Variants in RANBP10 observed in about 807,000 individuals in gnomAD.
RANBP10 encodes the protein RAN binding protein 10.
RANBP10 carries 24 observed loss-of-function variants against 72.8 expected under a neutral mutation model. That is an observed-to-expected ratio of 0.33 (90% confidence interval 0.24 to 0.46). RANBP10 has a LOEUF of 0.46. Among genes scored for constraint, RANBP10 ranks in the 20% least tolerant of loss-of-function variants. RANBP10 has a pLI of 1.00. For synonymous variants in RANBP10, 310 were observed against 322.3 expected, an observed-to-expected ratio of 0.96 and a Z score of 0.41; for missense variants, 679 against 817.5, an observed-to-expected ratio of 0.83 and a Z score of 2.07.
chr16:67,750,860 A>G (rs1475567091), intron 3 of RANBP10, among the ~76,000 whole-genome samples: 2 of 133,964 alleles, frequency 1.5e-5, no homozygotes, highest in Non-Finnish European at 3.0e-5. Flanking sequence ...TCCGCCTCCC[A>G]GGTTCACGCC....
intron 2 of RANBP10, among the ~76,000 whole-genome samples, chr16:67,795,368 T>C (rs1470476053): frequency 6.6e-6 from 1 of 151,452 alleles, no homozygotes; most frequent in Non-Finnish European, 1.5e-5. Context: ...GGAGAAACCC[T>C]GTCTTTACTA....
At chr16:67,748,351 C>A (rs1316969837) in intron 3 of RANBP10, among the ~76,000 whole-genome samples, 3 of 151,622 alleles carry the variant, frequency 2.0e-5, no homozygotes, top group African/African-American at 7.2e-5. Context: ...GAAACCCTGT[C>A]TCTACCAAAA....
chr16:67,743,805 C>T (rs980826058), intron 4 of RANBP10, among the ~76,000 whole-genome samples: 25 of 152,166 alleles, frequency 1.6e-4, no homozygotes, highest in African/African-American at 6.0e-4. Flanking sequence ...AATGTAACTG[C>T]CCCGGCTGCT....
chr16:67,802,726 C>T (rs2055259367), intron 2 of RANBP10, among the ~76,000 whole-genome samples: 1 of 152,098 alleles, frequency 6.6e-6, no homozygotes, highest in Non-Finnish European at 1.5e-5. Flanking sequence ...GAATAGATGC[C>T]CACCTTTCTT....
intron 3 of RANBP10, among the ~76,000 whole-genome samples, chr16:67,765,073 A>G (rs1225777871): frequency 2.6e-5 from 4 of 152,104 alleles, no homozygotes; most frequent in East Asian, 1.9e-4. Flanking sequence ...ATAGTGGCTC[A>G]TGCCTGTAAA....
intron 2 of RANBP10, among the ~76,000 whole-genome samples, chr16:67,795,242 C>A (rs748158272): frequency 2.0e-5 from 3 of 150,778 alleles, no homozygotes; most frequent in African/African-American, 7.3e-5. Context: ...GAGACCCCGC[C>A]TCAAAAAAAT....
chr16:67,766,479 A>G (rs993924250), intron 3 of RANBP10, among the ~76,000 whole-genome samples: 1 of 152,078 alleles, frequency 6.6e-6, no homozygotes, highest in Non-Finnish European at 1.5e-5. Context: ...TTCCTCATGA[A>G]TGGCTTGGTG....
At chr16:67,767,554 G>A (rs563991077) in intron 3 of RANBP10, among the ~76,000 whole-genome samples, 1 of 150,860 alleles carries the variant, frequency 6.6e-6, no homozygotes, top group Admixed American at 6.6e-5. Flanking sequence ...TTGAGCCCAG[G>A]AGTTAGAGAC....
chr16:67,757,064 C>T (rs2054298839), intron 3 of RANBP10, among the ~76,000 whole-genome samples: 1 of 152,148 alleles, frequency 6.6e-6, no homozygotes, highest in African/African-American at 2.4e-5. Context: ...AAAAATTGGC[C>T]GGGCGTGGTG....
chr16:67,756,452 T>C (rs1018247083), intron 3 of RANBP10, among the ~76,000 whole-genome samples: 3 of 152,176 alleles, frequency 2.0e-5, no homozygotes, highest in African/African-American at 7.2e-5. Flanking sequence ...CCAGGCGCGG[T>C]GACTCACGCC....
chr16:67,727,967 G>A, intron 11 of RANBP10, 71 bp from the exon 12 acceptor site: 1 of 1,552,440 alleles, frequency 6.4e-7, no homozygotes, highest in Non-Finnish European at 8.8e-7. Flanking sequence ...GGGTGGGGCA[G>A]GAAGGACCCC....
chr16:67,743,445 G>T (rs543550840), intron 4 of RANBP10, among the ~76,000 whole-genome samples: 2 of 152,232 alleles, frequency 1.3e-5, no homozygotes, highest in South Asian at 2.1e-4. Flanking sequence ...ATACCAGTTA[G>T]CACCTGGTAG....
intron 1 of RANBP10, among the ~76,000 whole-genome samples, chr16:67,806,020 C>A (rs2055409758): frequency 6.6e-6 from 1 of 152,236 alleles, no homozygotes; most frequent in Non-Finnish European, 1.5e-5. Flanking sequence ...CTGCCGTTGG[C>A]GCCAGCCTAG....
chr16:67,728,300 A>G (rs2053649415), intron 11 of RANBP10, 90 bp downstream of exon 11: 6 of 1,432,676 alleles, frequency 4.2e-6, no homozygotes, highest in Non-Finnish European at 5.8e-6. Flanking sequence ...AAGATGCCAA[A>G]GCCTGCCTAC....
chr16:67,750,612 A>G lies in RANBP10; in HGVS notation c.401-6157T>C, dbSNP rs116910352. Among the ~76,000 whole-genome samples, 986 of 152,238 alleles carry G rather than the reference A, an allele frequency of 6.5e-3. 3 individuals are homozygous for G. Among genetic ancestry groups the G allele is most frequent in the Non-Finnish European group, 8.6e-3 (587 of 68,006 alleles). On this transcript the variant is annotated intron_variant, in intron 3 of 13. Transcript: ENST00000317506. Reference sequence around the variant, plus strand: ...GGTACAGGTGTGTGCACAAGCACATATGTGTGTTTATGTGCCACCAGTGAC... The same window carrying G: ...GGTACAGGTGTGTGCACAAGCACATGTGTGTGTTTATGTGCCACCAGTGAC...
intron 3 of RANBP10, among the ~76,000 whole-genome samples, chr16:67,760,973 C>T (rs868354321): frequency 1.6e-4 from 24 of 152,304 alleles, no homozygotes; most frequent in Middle Eastern, 3.4e-3. Flanking sequence ...ACCCTGACTT[C>T]GTCTTCTTGC....
intron 2 of RANBP10, among the ~76,000 whole-genome samples, chr16:67,792,362 G>T (rs1250647534): frequency 6.6e-6 from 1 of 151,876 alleles, no homozygotes; most frequent in Non-Finnish European, 1.5e-5. Context: ...AGACCATCCT[G>T]GCTAACACGG....
chr16:67,801,460 C>T (rs1221483706), intron 2 of RANBP10, among the ~76,000 whole-genome samples: 2 of 152,150 alleles, frequency 1.3e-5, no homozygotes, highest in Non-Finnish European at 2.9e-5. Flanking sequence ...CCACTGCACA[C>T]CCTAAGCCCT....
intron 3 of RANBP10, among the ~76,000 whole-genome samples, chr16:67,764,558 T>C (rs2054461432): frequency 6.6e-6 from 1 of 152,210 alleles, no homozygotes; most frequent in African/African-American, 2.4e-5. Flanking sequence ...TCCTCGTAGC[T>C]TGCAGTCTAA....
Sources: allele counts gnomAD v4.1 joint callset (sites outside exome capture counted in the v4.1 genomes callset), GRCh38; gene constraint gnomAD v4.1.1; transcripts MANE v1.5; gene names NCBI Gene and HGNC (gene_info 2026-07-23, HGNC 2026-07-21).